Variants in TCF7L2 observed in about 807,000 individuals in gnomAD.
The protein encoded by TCF7L2 is transcription factor 7-like 2.
In TCF7L2, 23 loss-of-function variants were observed where a neutral mutation model predicts 77.9. The observed-to-expected ratio is 0.30, with a 90% confidence interval of 0.21 to 0.42. The LOEUF (loss-of-function observed/expected upper bound fraction) is 0.42, where lower values mean the gene tolerates loss of function less well. TCF7L2 is among the 10% of genes least tolerant of loss of function. The pLI is 1.00. For synonymous variants in TCF7L2, 413 were observed against 340.2 expected, an observed-to-expected ratio of 1.21 and a Z score of -2.36; for missense variants, 654 against 793.1, an observed-to-expected ratio of 0.82 and a Z score of 2.11.
At chr10:113,070,269 T>TATATATA (rs370805048) in intron 5 of TCF7L2, among the ~76,000 whole-genome samples, 1 of 124,138 alleles carries the variant, frequency 8.1e-6, no homozygotes, top group Non-Finnish European at 1.6e-5. Flanking sequence ...AAAAAAAAAT[T>TATATATA]TATATATATA....
chr10:113,112,853 T>C (rs2063301361), intron 5 of TCF7L2, among the ~76,000 whole-genome samples: 1 of 152,188 alleles, frequency 6.6e-6, no homozygotes, highest in African/African-American at 2.4e-5. Context: ...TTGGCCAGTG[T>C]TTCTGTGTAT....
chr10:113,048,173 C>T (rs1280225991), intron 5 of TCF7L2, among the ~76,000 whole-genome samples: 1 of 152,164 alleles, frequency 6.6e-6, no homozygotes, highest in Non-Finnish European at 1.5e-5. Context: ...GCTCTGTTTA[C>T]GAAGCGTGGG....
intron 5 of TCF7L2, among the ~76,000 whole-genome samples, chr10:113,045,247 C>T (rs1459685586): frequency 2.6e-5 from 4 of 152,102 alleles, no homozygotes; most frequent in African/African-American, 4.8e-5. Flanking sequence ...AAGACTGTAG[C>T]GCTTCCTATG....
rs147039617 is a variant in TCF7L2 at position 113,136,411 on chromosome 10, A to G, written c.553-4773A>G. Among the ~76,000 whole-genome samples the G allele has an allele frequency of 2.9e-4, 44 of 152,184 alleles. No individual in the cohort carries two copies. The East Asian group carries it at 8.3e-3, about 29-fold the overall frequency. On this transcript the variant is annotated intron_variant, in intron 5 of 13. Coordinates refer to ENST00000627217, the MANE Select transcript of TCF7L2 (RefSeq NM_001146274.2). ...GGTATAACCGTCTCGAAATTATGTG[A>G]GTTATTCATATATGAGTGTTTGCTG...
At chr10:112,984,999 C>T (rs534394709) in intron 4 of TCF7L2, among the ~76,000 whole-genome samples, 5 of 152,268 alleles carry the variant, frequency 3.3e-5, no homozygotes, top group African/African-American at 1.2e-4. Flanking sequence ...GCCTGTGGGA[C>T]CGCCCTGAGC....
chr10:113,002,355 G>A (rs1420853470), intron 4 of TCF7L2, among the ~76,000 whole-genome samples: 2 of 152,188 alleles, frequency 1.3e-5, no homozygotes, highest in African/African-American at 4.8e-5. Context: ...TTGCTCACCA[G>A]AGGACATTTG....
chr10:113,152,690 T>A lies in TCF7L2; in HGVS notation c.1269+250T>A, dbSNP rs534850988. Among the ~76,000 whole-genome samples, 11 of 152,268 alleles carry A rather than the reference T, an allele frequency of 7.2e-5. No homozygotes were observed. The East Asian group carries it at 2.1e-3, about 29-fold the overall frequency. On this transcript the variant is annotated intron_variant, in intron 11 of 13. Transcript: ENST00000627217. Reference sequence around the variant, plus strand: ...GAGGCTGCAGTCCCAGTGTTCCAGCTCAGGACCAATGAGGTTGATTTGGTG... The same window carrying A: ...GAGGCTGCAGTCCCAGTGTTCCAGCACAGGACCAATGAGGTTGATTTGGTG...
Position 113,037,432 on chromosome 10 carries a change from A to G in TCF7L2, c.451-2593A>G, listed in dbSNP as rs148233349. On this transcript the variant is annotated intron_variant, in intron 4 of 13. Coordinates refer to ENST00000627217, the MANE Select transcript of TCF7L2 (RefSeq NM_001146274.2). ...TCTCTGGGCAGTGGGGCCGAGTCTCATTTCCTCCAACAATAATGTTATATA... is the reference window on the plus strand; with the variant it reads ...TCTCTGGGCAGTGGGGCCGAGTCTCGTTTCCTCCAACAATAATGTTATATA... Among the ~76,000 whole-genome samples, 287 of 152,210 alleles carry G rather than the reference A, an allele frequency of 1.9e-3. 1 individual carries two copies. Among genetic ancestry groups the G allele is most frequent in the African/African-American group, 6.5e-3 (270 of 41,530 alleles).
chr10:113,133,403 C>A (rs751191715), intron 5 of TCF7L2: 1 of 152,272 alleles, frequency 6.6e-6, no homozygotes, highest in Admixed American at 6.5e-5. Flanking sequence ...TCTCACCCCC[C>A]AGCCCTTCCA....
chr10:113,038,770 C>G (rs551737032), intron 4 of TCF7L2, among the ~76,000 whole-genome samples: 162 of 152,148 alleles, frequency 1.1e-3, no homozygotes, highest in African/African-American at 3.9e-3. Flanking sequence ...CTTGATTTAC[C>G]TGTGTCTGTA....
chr10:112,991,425 G>A (rs146994784), intron 4 of TCF7L2, among the ~76,000 whole-genome samples: 95 of 143,544 alleles, frequency 6.6e-4, no homozygotes, highest in Non-Finnish European at 1.2e-3. Context: ...GGAGAATGGC[G>A]TGAACCCGGG....
chr10:113,111,529 C>T (rs544404221), intron 5 of TCF7L2, among the ~76,000 whole-genome samples: 9 of 152,284 alleles, frequency 5.9e-5, no homozygotes, highest in South Asian at 4.2e-4. Flanking sequence ...CGGTGGCTCA[C>T]GGCTGTAATC....
intron 4 of TCF7L2, among the ~76,000 whole-genome samples, chr10:112,991,471 G>A (rs2042526410): frequency 6.6e-6 from 1 of 150,646 alleles, no homozygotes; most frequent in East Asian, 2.0e-4. Context: ...TCGCCCCACT[G>A]CACTCCAGCC....
At chr10:113,034,102 G>A (rs2050716525) in intron 4 of TCF7L2, among the ~76,000 whole-genome samples, 1 of 152,204 alleles carries the variant, frequency 6.6e-6, no homozygotes, top group East Asian at 1.9e-4. Context: ...GAGAAATGAG[G>A]TAGGTTTAGA....
chr10:113,004,069 T>C (rs987842331), intron 4 of TCF7L2, among the ~76,000 whole-genome samples: 1 of 152,220 alleles, frequency 6.6e-6, no homozygotes, highest in African/African-American at 2.4e-5. Context: ...GGGAAGTTGA[T>C]TGCCCAGTAT....
intron 4 of TCF7L2, among the ~76,000 whole-genome samples, chr10:113,022,309 G>T (rs1164267446): frequency 6.6e-6 from 1 of 152,198 alleles, no homozygotes; most frequent in African/African-American, 2.4e-5. Context: ...GTGATTGTAA[G>T]AATCAGAATT....
chr10:112,955,414 T>C (rs1023643224), intron 3 of TCF7L2, among the ~76,000 whole-genome samples: 1 of 152,222 alleles, frequency 6.6e-6, no homozygotes, highest in Admixed American at 6.5e-5. Flanking sequence ...AGGCTCAACA[T>C]TCACCCAATA....
At chr10:112,999,657 G>A (rs201597214) in intron 4 of TCF7L2, among the ~76,000 whole-genome samples, 4 of 152,166 alleles carry the variant, frequency 2.6e-5, no homozygotes, top group African/African-American at 4.8e-5. Flanking sequence ...CAAAAATAAG[G>A]CGTATGTAGA....
chr10:113,162,584 G>A (rs572364682), intron 13 of TCF7L2, among the ~76,000 whole-genome samples: 2 of 152,292 alleles, frequency 1.3e-5, no homozygotes, highest in Non-Finnish European at 2.9e-5. Flanking sequence ...GCATCTTGGA[G>A]GGGCTGTCAA....
Sources: gnomAD v4.1 joint callset for allele counts (sites outside exome capture counted in the v4.1 genomes callset) on GRCh38, gnomAD v4.1.1 for gene constraint, MANE v1.5 for transcripts, NCBI Gene and HGNC (gene_info 2026-07-23, HGNC 2026-07-21) for gene names.